Variants in ERBIN observed in about 807,000 individuals in gnomAD.
ERBIN encodes densin-180-like protein.
Under a neutral mutation model 158.4 loss-of-function variants are expected in ERBIN, and 60 were observed. The observed-to-expected ratio is 0.38, with a 90% CI of 0.31 to 0.47. ERBIN has a LOEUF of 0.47. ERBIN is among the 20% of genes least tolerant of loss of function. The probability of loss-of-function intolerance (pLI) is 0.99; values close to 1 mark genes in which losing one functional copy is unlikely to be tolerated. For synonymous variants in ERBIN, 594 were observed against 557.2 expected (o/e 1.07, Z -0.93); for missense variants, 1,610 against 1,648.0 (o/e 0.98, Z 0.40).
chr5:66,032,868 T>A (rs954776759), intron 14 of ERBIN, among the ~76,000 whole-genome samples: 2 of 152,170 alleles, frequency 1.3e-5, no homozygotes, highest in Non-Finnish European at 2.9e-5. Context: ...AAGATGAGGG[T>A]CAAAGATTTG....
chr5:65,976,605 G>A (rs1390784107), intron 1 of ERBIN, among the ~76,000 whole-genome samples: 2 of 151,030 alleles, frequency 1.3e-5, no homozygotes, highest in African/African-American at 4.9e-5. Flanking sequence ...TGAAGGGAAG[G>A]TCAGCAGATA....
In ERBIN at chr5:66,048,757, G is replaced by A. The variant is rs139924770; in HGVS notation, c.1879G>A (p.Val627Ile). The A allele has an allele frequency of 3.3e-5, 52 of 1,599,718 alleles. No individual in the cohort carries two copies. In the African/African-American group the frequency reaches 5.4e-4, roughly 17 times the overall value. The change falls in exon 19 of 26, where the codon GTA (valine) becomes ATA (isoleucine). Residue 627 changes from valine to isoleucine, a missense_variant. Val to Ile is a conservative substitution (Grantham distance 29). Transcript: ENST00000284037. ...AACCTCTATTAACCAGCCAAAAGTC[G>A]TAGCACTTAGTAATAACAAAAAAGG... ...IETSINQPKV[V>I]ALSNNKKDDT...
intron 21 of ERBIN, among the ~76,000 whole-genome samples, chr5:66,056,876 T>A (rs1395865619): frequency 1.3e-5 from 2 of 152,146 alleles, no homozygotes; most frequent in Non-Finnish European, 2.9e-5. Context: ...TGGGAAGCAT[T>A]TCTAGCAAAT....
chr5:66,072,161 C>T lies in ERBIN; in HGVS notation c.3634-8C>T. Reference sequence around the variant, plus strand: ...TTATTTGTTTACTTTTTATTTCCTGCTCATTAGAAGCATCCCCAGACATCC... The same window carrying T: ...TTATTTGTTTACTTTTTATTTCCTGTTCATTAGAAGCATCCCCAGACATCC... On this transcript the variant is annotated splice_region_variant and splice_polypyrimidine_tract_variant and intron_variant, in intron 21 of 25. Coordinates refer to ENST00000284037, the MANE Select transcript of ERBIN (RefSeq NM_001253697.2). The T allele has an allele frequency of 6.5e-7, 1 of 1,545,548 alleles. No homozygotes were observed.
At chr5:66,015,396 C>T (rs1057027959) in intron 7 of ERBIN, among the ~76,000 whole-genome samples, 16 of 148,222 alleles carry the variant, frequency 1.1e-4, no homozygotes, top group African/African-American at 3.5e-4. Context: ...AAACAAGTTT[C>T]GTTGGAACAC....
chr5:65,978,991 T>TTGG, intron 1 of ERBIN, among the ~76,000 whole-genome samples: 1 of 152,020 alleles, frequency 6.6e-6, no homozygotes, highest in Non-Finnish European at 1.5e-5. Flanking sequence ...GATGGGGAGG[T>TTGG]TGGGATTTGG....
intron 21 of ERBIN, among the ~76,000 whole-genome samples, chr5:66,065,749 C>T (rs1436558148): frequency 6.6e-6 from 1 of 150,880 alleles, no homozygotes; most frequent in Admixed American, 6.6e-5. Context: ...AGTAATTTTC[C>T]CAGGATGATA....
At position 66,018,592 on chromosome 5, in the gene ERBIN, A is replaced by T. The variant is rs373699409; in HGVS notation, c.534-2730A>T. On this transcript the variant is annotated intron_variant, in intron 7 of 25. Coordinates refer to ENST00000284037, the MANE Select transcript of ERBIN (RefSeq NM_001253697.2). ...TTATATTATATAATATATATTATATAATATATATTATATATACATACACAC... is the reference window on the plus strand; with the variant it reads ...TTATATTATATAATATATATTATATTATATATATTATATATACATACACAC... Among the ~76,000 whole-genome samples the T allele has an allele frequency of 1.9e-4, 12 of 61,576 alleles. 3 individuals carry two copies. Among genetic ancestry groups the T allele is most frequent in the Admixed American group, 1.6e-3 (6 of 3,672 alleles). The allele number at this position is 61,576 out of a possible 152,430, so 40.4% of individuals were successfully genotyped here. A position where few individuals can be genotyped will look rare whatever the true frequency, so the allele number is the denominator to read the frequency against.
chr5:66,051,072 G>T, intron 20 of ERBIN, 106 bp downstream of exon 20: 1 of 663,960 alleles, frequency 1.5e-6, no homozygotes, highest in South Asian at 2.5e-5. Flanking sequence ...TATAGAAGTG[G>T]TTCCAGTAAT....
intron 4 of ERBIN, among the ~76,000 whole-genome samples, chr5:65,995,514 A>G (rs1235548191): frequency 1.3e-5 from 2 of 151,708 alleles, no homozygotes; most frequent in Non-Finnish European, 2.9e-5. Context: ...TATTTTCTTC[A>G]TTCATTCATC....
rs1476023904 is a variant in ERBIN, at chr5:66,081,771, C to T, written c.*3241C>T. The T allele has an allele frequency of 6.6e-6, 1 of 151,814 alleles. No homozygotes were observed. The highest frequency in any genetic ancestry group is 1.5e-5 in the Non-Finnish European group (1 of 67,890). The allele number at this position is 151,814 out of a possible 1,614,324, so 9.4% of individuals were successfully genotyped here. On this transcript the variant is annotated 3_prime_UTR_variant, in exon 26 of 26. Transcript: ENST00000284037. The stretch of plus-strand genomic sequence containing the variant: ...TATTTGGAAGGGTATTTTTTTCACT[C>T]AGTCTGTTGCATTCTTACAGCCTTC...
chr5:65,929,689 G>A (rs1743128598), intron 1 of ERBIN, among the ~76,000 whole-genome samples: 2 of 142,360 alleles, frequency 1.4e-5, no homozygotes, highest in Admixed American at 1.4e-4. Context: ...TGCCTAGGCT[G>A]GAGTGCAGTG....
chr5:66,014,966 A>G (rs1754559574), intron 7 of ERBIN, among the ~76,000 whole-genome samples: 1 of 152,136 alleles, frequency 6.6e-6, no homozygotes, highest in African/African-American at 2.4e-5. Context: ...CTTGTGTGTG[A>G]CATAAAAGTC....
Position 65,952,282 on chromosome 5 carries a change from A to C in ERBIN, c.-58+25476A>C, listed in dbSNP as rs6865601. Among the ~76,000 whole-genome samples the C allele has an allele frequency of 3.3e-5, 5 of 152,236 alleles. No homozygotes were observed. In the South Asian group the frequency reaches 1.0e-3, roughly 32 times the overall value. On this transcript the variant is annotated intron_variant, in intron 1 of 25. Coordinates refer to ENST00000284037, the MANE Select transcript of ERBIN (RefSeq NM_001253697.2). ...TAATCTGGGGGAAAAAGCACCATAGATATACTACAGAGAGTCCACAAAGTC... is the reference window on the plus strand; with the variant it reads ...TAATCTGGGGGAAAAAGCACCATAGCTATACTACAGAGAGTCCACAAAGTC...
At chr5:66,029,422 T>C (rs1756610281) in intron 14 of ERBIN, among the ~76,000 whole-genome samples, 1 of 152,220 alleles carries the variant, frequency 6.6e-6, no homozygotes, top group Admixed American at 6.5e-5. Context: ...ACTCATGAAC[T>C]CCGCAGCCAA....
At chr5:65,969,678 A>C (rs1444820611) in intron 1 of ERBIN, among the ~76,000 whole-genome samples, 5 of 152,184 alleles carry the variant, frequency 3.3e-5, no homozygotes, top group African/African-American at 1.2e-4. Flanking sequence ...TCAAGTGTTG[A>C]AATATGCAGG....
chr5:65,973,483 A>T (rs1473066024), intron 1 of ERBIN, among the ~76,000 whole-genome samples: 5 of 151,336 alleles, frequency 3.3e-5, no homozygotes, highest in Non-Finnish European at 7.3e-5. Flanking sequence ...TTAATAGAGG[A>T]TGTATGAAGA....
At chr5:66,028,369 A>G (rs775185985) in intron 14 of ERBIN, 26 bp downstream of exon 14, 1 of 1,582,988 alleles carries the variant, frequency 6.3e-7, no homozygotes, top group Admixed American at 1.7e-5. Context: ...TTATAAGTTA[A>G]TGGAGTTCTT....
At chr5:66,052,326 GTGT>G (rs1432618658) in intron 20 of ERBIN, among the ~76,000 whole-genome samples, 3 of 152,024 alleles carry the variant, frequency 2.0e-5, no homozygotes, top group Non-Finnish European at 4.4e-5. Context: ...ATATTAATGC[GTGT>G]TGTTGGAAAA....
Sources: gnomAD v4.1 joint callset for allele counts (sites outside exome capture counted in the v4.1 genomes callset) on GRCh38, gnomAD v4.1.1 for gene constraint, MANE v1.5 for transcripts, NCBI Gene and HGNC (gene_info 2026-07-23, HGNC 2026-07-21) for gene names.